APBB1: variants seen among roughly 807,000 people sequenced by gnomAD.
APBB1 encodes the protein amyloid beta precursor protein binding family B member 1, also known as adaptor protein FE65a2.
A neutral mutation model predicts 78.4 loss-of-function variants in APBB1; 22 were observed. The ratio of observed to expected loss-of-function variants is 0.28; its 90% CI spans 0.20 to 0.40. The LOEUF (loss-of-function observed/expected upper bound fraction) is 0.40, where lower values mean the gene tolerates loss of function less well. Among genes scored for constraint, APBB1 ranks in the 10% least tolerant of loss-of-function variants. APBB1 has a pLI of 1.00. For synonymous variants in APBB1, 369 were observed against 372.7 expected, an observed-to-expected ratio of 0.99 and a Z score of 0.12; for missense variants, 749 against 932.4, an observed-to-expected ratio of 0.80 and a Z score of 2.56.
intron 12 of APBB1, among the ~76,000 whole-genome samples, chr11:6,397,255 G>A (rs972708887): frequency 3.3e-5 from 5 of 152,338 alleles, no homozygotes; most frequent in East Asian, 1.9e-4. Context: ...AGCAGACCAC[G>A]TGGACTCTTT....
chr11:6,417,457 A>T (rs1245937404), intron 1 of APBB1, among the ~76,000 whole-genome samples: 2 of 152,152 alleles, frequency 1.3e-5, no homozygotes, highest in African/African-American at 4.8e-5. Context: ...AGCTCCAAGG[A>T]CTCAGTCTCT....
At position 6,403,150 on chromosome 11, in the gene APBB1, T is replaced by C; in HGVS notation, c.1099A>G (p.Ile367Val). 6.2e-7 allele frequency: 1 copy of C among 1,611,792 alleles called. No individual in the cohort carries two copies. Among genetic ancestry groups the C allele is most frequent in the South Asian group, 1.1e-5 (1 of 90,546 alleles). Residue 367 changes from isoleucine to valine, a missense_variant, in exon 6 of 15, where the codon ATC (isoleucine) becomes GTC (valine). This residue lies in a region of APBB1 where 635 missense variants were observed against 765.0 expected (regional missense o/e 0.83). Transcript: ENST00000609360. The surrounding 1 kb of genome is among the most constrained non-coding windows in gnomAD (Gnocchi z 5.3). ...GGTGTCAGTCTTGAACAAACCTTGA[T>C]CCCTGGGTTGGTATTCCGTGGGGGA... ...KLPPRNTNPGIKCFAVRSLGW... is the reference protein window; with the variant it reads ...KLPPRNTNPGVKCFAVRSLGW...
chr11:6,398,468 G>A (rs57980643), intron 12 of APBB1, among the ~76,000 whole-genome samples: 3,105 of 152,276 alleles, frequency 0.02, 102 homozygotes, highest in African/African-American at 0.069. Context: ...GTTTAAAAAC[G>A]AGCATAAGAT....
rs565827671 is a variant in APBB1 at position 6,411,610 on chromosome 11, T to C, written c.-14-249A>G. Among the ~76,000 whole-genome samples, 4 of 152,112 alleles carry C rather than the reference T, an allele frequency of 2.6e-5. No homozygotes were observed. In the East Asian group the frequency reaches 5.8e-4, roughly 22 times the overall value. The stretch of plus-strand genomic sequence containing the variant: ...ATCCCCTGCCCTGAGCTTTCTGGGA[T>C]GGCACAGCTGGCGCCTGCCCTCGGT... On this transcript the variant is annotated intron_variant, in intron 1 of 14. Transcript: ENST00000609360. This position sits in a 1 kb window ranked among gnomAD's most constrained non-coding sequence, Gnocchi z 5.2.
chr11:6,411,735 C>A lies in APBB1; in HGVS notation c.-14-374G>T, dbSNP rs1168641152. Among the ~76,000 whole-genome samples the A allele has an allele frequency of 6.6e-6, 1 of 152,202 alleles. No homozygotes were observed. The highest frequency in any genetic ancestry group is 2.4e-5 in the African/African-American group (1 of 41,462). On this transcript the variant is annotated intron_variant, in intron 1 of 14. Transcript: ENST00000609360. This position sits in a 1 kb window ranked among gnomAD's most constrained non-coding sequence, Gnocchi z 5.2. ...TGCCAGGAACACCACTAGAGTGGGA[C>A]CGGCTCGTGTGTTTTGGACACTGAT...
chr11:6,407,936 C>T (rs1041701510), intron 2 of APBB1, among the ~76,000 whole-genome samples: 15 of 151,816 alleles, frequency 9.9e-5, no homozygotes, highest in Admixed American at 2.0e-4. Context: ...CCCGCCACCG[C>T]GCCCGGCTAA....
intron 12 of APBB1, 170 bp from the exon 13 acceptor site, chr11:6,396,385 C>T (rs1380227232): frequency 3.4e-6 from 2 of 588,012 alleles, no homozygotes; most frequent in Non-Finnish European, 5.9e-6. Flanking sequence ...GGGCTCTCCT[C>T]CCCTGGCTTC....
intron 2 of APBB1, among the ~76,000 whole-genome samples, chr11:6,408,235 C>A (rs1336689783): frequency 6.6e-6 from 1 of 152,160 alleles, no homozygotes; most frequent in Non-Finnish European, 1.5e-5. Flanking sequence ...AGGAGAGAGT[C>A]TGAAAAATCC....
At chr11:6,409,710 C>T (rs1848910573) in intron 2 of APBB1, among the ~76,000 whole-genome samples, 1 of 146,458 alleles carries the variant, frequency 6.8e-6, no homozygotes. Flanking sequence ...ATCTACAAAA[C>T]TCCAGGGTTT....
chr11:6,401,857 T>A lies in APBB1; in HGVS notation c.1388+120A>T, dbSNP rs768042149. On this transcript the variant is annotated intron_variant, in intron 9 of 14. Coordinates refer to ENST00000609360, the MANE Select transcript of APBB1 (RefSeq NM_001164.5). The surrounding 1 kb of genome is among the most constrained non-coding windows in gnomAD (Gnocchi z 4.5). ...GGGGGGAGGGGTAGACAGGCAAGCA[T>A]GCTGAGGTGGAGGGTAATGGTGGAG... is the stretch of plus-strand genomic sequence containing the variant. The A allele has an allele frequency of 6.8e-7, 1 of 1,466,666 alleles. No homozygotes were observed. Among genetic ancestry groups the A allele is most frequent in the East Asian group, 2.4e-5 (1 of 42,364 alleles). The allele number at this position is 1,466,666 out of a possible 1,614,324, so 90.9% of individuals were successfully genotyped here. A position where few individuals can be genotyped will look rare whatever the true frequency, so the allele number is the denominator to read the frequency against.
In APBB1 at chr11:6,405,403, A is replaced by G. The variant is rs148826533; in HGVS notation, c.722-1581T>C. On this transcript the variant is annotated intron_variant, in intron 2 of 14. Coordinates refer to ENST00000609360, the MANE Select transcript of APBB1 (RefSeq NM_001164.5). ...ACCCCTCACCTGCCAGGGCCCAGCT[A>G]GGCTGCAGCGTCTCCTCGGCAACCG... 8.1e-6 allele frequency: 8 copies of G among 987,446 alleles called. No homozygotes were observed. The African/African-American group carries it at 1.4e-4, about 17-fold the overall frequency. The allele number at this position is 987,446 out of a possible 1,614,324, so 61.2% of individuals were successfully genotyped here. A position where few individuals can be genotyped will look rare whatever the true frequency, so the allele number is the denominator to read the frequency against.
chr11:6,401,128 C>A lies in APBB1; in HGVS notation c.1589-56G>T. 6.2e-7 allele frequency: 1 copy of A among 1,614,068 alleles called. No homozygotes were observed. The highest frequency in any genetic ancestry group is 8.5e-7 in the Non-Finnish European group (1 of 1,180,014). ...TGGCAGACCTTGCTCACCCGCAGCC[C>A]CACCAGCAGGGCATAAGCTGGACAC... On this transcript the variant is annotated intron_variant, in intron 11 of 14. Transcript: ENST00000609360. This position sits in a 1 kb window ranked among gnomAD's most constrained non-coding sequence, Gnocchi z 4.5.
intron 12 of APBB1, among the ~76,000 whole-genome samples, chr11:6,396,931 A>G (rs1484931614): frequency 6.6e-6 from 1 of 152,204 alleles, no homozygotes; most frequent in Non-Finnish European, 1.5e-5. Context: ...AAGAATGTCT[A>G]TAATGTGCTC....
intron 8 of APBB1, 31 bp downstream of exon 8, chr11:6,402,051 C>T: frequency 6.2e-7 from 1 of 1,611,612 alleles, no homozygotes; most frequent in South Asian, 1.1e-5. Context: ...TGGATGAACT[C>T]CCACCCTCGA....
Position 6,402,881 on chromosome 11 carries a change from T to A in APBB1, c.1105-156A>T, listed in dbSNP as rs953731311. 32 of 962,684 alleles carry A rather than the reference T, an allele frequency of 3.3e-5. No homozygotes were observed. The African/African-American group carries it at 5.0e-4, about 15-fold the overall frequency. The allele number at this position is 962,684 out of a possible 1,614,324, so 59.6% of individuals were successfully genotyped here. A position where few individuals can be genotyped will look rare whatever the true frequency, so the allele number is the denominator to read the frequency against. ...TAGGGAGAGGGGGATGTGGTTAGGG[T>A]GAGGGAGATGTCAGATGAGACCCCA... On this transcript the variant is annotated intron_variant, in intron 6 of 14. Coordinates refer to ENST00000609360, the MANE Select transcript of APBB1 (RefSeq NM_001164.5).
chr11:6,396,309 C>T (rs1007673995), intron 12 of APBB1, 94 bp from the exon 13 acceptor site: 1 of 1,104,992 alleles, frequency 9.0e-7, no homozygotes. Context: ...AAACCCAGGG[C>T]CTTTGCCCCA....
In APBB1 at chr11:6,395,773, A is replaced by G; in HGVS notation, c.1965+13T>C. ...GGCCACGCCACCACCACACCACCCT[A>G]CTAGTAGCTTACCATGCACGCAGCC... On this transcript the variant is annotated intron_variant, in intron 14 of 14. Coordinates refer to ENST00000609360, the MANE Select transcript of APBB1 (RefSeq NM_001164.5). This position sits in a 1 kb window ranked among gnomAD's most constrained non-coding sequence, Gnocchi z 5.2. 1 of 1,603,896 alleles carries G rather than the reference A, an allele frequency of 6.2e-7. No individual in the cohort carries two copies. The highest frequency in any genetic ancestry group is 8.5e-7 in the Non-Finnish European group (1 of 1,176,262).
At chr11:6,406,336 A>G (rs760701400) in intron 2 of APBB1, among the ~76,000 whole-genome samples, 3 of 151,850 alleles carry the variant, frequency 2.0e-5, no homozygotes, top group Admixed American at 6.6e-5. Context: ...TCAGTGATTG[A>G]CTTAAAGCTT....
At chr11:6,416,719 G>A (rs1043924557) in intron 1 of APBB1, among the ~76,000 whole-genome samples, 20 of 151,938 alleles carry the variant, frequency 1.3e-4, no homozygotes, top group Admixed American at 3.3e-4. Flanking sequence ...CTACCATCAA[G>A]GACAAAGACC....
Sources: allele counts gnomAD v4.1 joint callset (sites outside exome capture counted in the v4.1 genomes callset), GRCh38; gene constraint gnomAD v4.1.1; regional missense constraint gnomAD v4.1.1; non-coding constraint Gnocchi (gnomAD v3.1); transcripts MANE v1.5; gene names NCBI Gene and HGNC (gene_info 2026-07-23, HGNC 2026-07-21).